Variants in CMSS1 observed in about 807,000 individuals in gnomAD.
The protein encoded by CMSS1 is protein CMSS1.
CMSS1 carries 33 observed loss-of-function variants against 43.5 expected under a neutral mutation model. The observed-to-expected ratio is 0.76, with a 90% CI of 0.57 to 1.01. The LOEUF (loss-of-function observed/expected upper bound fraction) is 1.01, where lower values mean the gene tolerates loss of function less well. Ranked by LOEUF, CMSS1 falls within the 50% of genes least tolerant of loss-of-function variation. CMSS1 has a pLI of 0.00. For missense variants in CMSS1, 313 were observed against 326.4 expected (o/e 0.96, Z 0.32); for synonymous variants, 115 against 117.2 (o/e 0.98, Z 0.12).
intron 1 of CMSS1, among the ~76,000 whole-genome samples, chr3:99,932,321 T>C (rs995347904): frequency 6.6e-6 from 1 of 152,198 alleles, no homozygotes; most frequent in African/African-American, 2.4e-5. Context: ...CTTATGTAAA[T>C]ACCATATTGA....
At chr3:100,056,574 T>G (rs1342990143) in intron 1 of CMSS1, among the ~76,000 whole-genome samples, 1 of 152,186 alleles carries the variant, frequency 6.6e-6, no homozygotes, top group Non-Finnish European at 1.5e-5. Flanking sequence ...TGGCTTTATC[T>G]GCTTGTGATT....
At chr3:100,070,012 T>A (rs2065734701) in intron 1 of CMSS1, among the ~76,000 whole-genome samples, 1 of 152,102 alleles carries the variant, frequency 6.6e-6, no homozygotes, top group Non-Finnish European at 1.5e-5. Context: ...TCTTGTTTGA[T>A]CCTCAAATAA....
intron 1 of CMSS1, among the ~76,000 whole-genome samples, chr3:99,983,464 GTATATATA>G (rs1191587665): frequency 0.026 from 330 of 12,666 alleles, 14 homozygotes; most frequent in Middle Eastern, 0.083. Context: ...ATATATGTGT[GTATATATA>G]TATATATATA....
chr3:100,156,985 G>A (rs915844674), intron 2 of CMSS1, among the ~76,000 whole-genome samples: 1 of 152,034 alleles, frequency 6.6e-6, no homozygotes, highest in Non-Finnish European at 1.5e-5. Context: ...CAAACTCCTG[G>A]CCTCAAGCAG....
intron 1 of CMSS1, among the ~76,000 whole-genome samples, chr3:99,871,407 C>G (rs897268739): frequency 1.4e-4 from 21 of 152,124 alleles, no homozygotes; most frequent in Admixed American, 2.0e-4. Flanking sequence ...CTAATTGTAC[C>G]TCGGTACTTT....
intron 1 of CMSS1, among the ~76,000 whole-genome samples, chr3:99,975,408 A>G (rs1179194689): frequency 6.6e-6 from 1 of 152,158 alleles, no homozygotes; most frequent in Non-Finnish European, 1.5e-5. Flanking sequence ...CTTGACCAAC[A>G]TGGTGAAACT....
intron 1 of CMSS1, among the ~76,000 whole-genome samples, chr3:99,953,316 A>G (rs147582884): frequency 1.4e-3 from 209 of 152,168 alleles, no homozygotes; most frequent in African/African-American, 4.7e-3. Flanking sequence ...TTGCTTCTAG[A>G]CATAGGGCAA....
At chr3:100,174,306 A>G (rs1252972244) in intron 8 of CMSS1, among the ~76,000 whole-genome samples, 1 of 152,082 alleles carries the variant, frequency 6.6e-6, no homozygotes, top group Non-Finnish European at 1.5e-5. Flanking sequence ...TTAGCTAAAG[A>G]TTCACCACCA....
At chr3:99,923,906 A>T (rs1466767403) in intron 1 of CMSS1, among the ~76,000 whole-genome samples, 5 of 152,020 alleles carry the variant, frequency 3.3e-5, no homozygotes, top group African/African-American at 1.2e-4. Context: ...TAACACACTT[A>T]TTTCACCCCT....
intron 1 of CMSS1, among the ~76,000 whole-genome samples, chr3:100,100,597 G>A (rs1164577886): frequency 1.3e-5 from 2 of 152,146 alleles, no homozygotes; most frequent in Non-Finnish European, 2.9e-5. Context: ...GAAGGATTTG[G>A]AGGCAAGTCA....
At chr3:100,104,711 A>T (rs980555096) in intron 1 of CMSS1, among the ~76,000 whole-genome samples, 1 of 152,112 alleles carries the variant, frequency 6.6e-6, no homozygotes, top group Non-Finnish European at 1.5e-5. Context: ...GGTGATTTGC[A>T]CTGATGTTCT....
chr3:99,928,490 C>A (rs570236938), intron 1 of CMSS1, among the ~76,000 whole-genome samples: 1 of 152,110 alleles, frequency 6.6e-6, no homozygotes, highest in South Asian at 2.1e-4. Flanking sequence ...TAAAGTAGGG[C>A]CAGATTATGG....
intron 1 of CMSS1, among the ~76,000 whole-genome samples, chr3:99,824,047 T>C (rs1481186529): frequency 6.6e-6 from 1 of 152,052 alleles, no homozygotes; most frequent in Non-Finnish European, 1.5e-5. Context: ...CTCAGCCTTC[T>C]GAGTAGCTGG....
At chr3:100,111,863 G>A (rs1360263401) in intron 1 of CMSS1, among the ~76,000 whole-genome samples, 3 of 152,162 alleles carry the variant, frequency 2.0e-5, no homozygotes, top group Non-Finnish European at 2.9e-5. Flanking sequence ...ATTATTTGAT[G>A]CTGAGATGGT....
At chr3:100,141,410 G>A (rs1348501738) in intron 1 of CMSS1, 1 of 332,738 alleles carries the variant, frequency 3.0e-6, no homozygotes, top group East Asian at 9.1e-5. Context: ...GGAGATACGT[G>A]GCAGGAGAAT....
At chr3:100,136,312 C>T (rs1375857239) in intron 1 of CMSS1, among the ~76,000 whole-genome samples, 9 of 152,246 alleles carry the variant, frequency 5.9e-5, no homozygotes, top group East Asian at 1.9e-4. Context: ...ACTGGACTGG[C>T]GCCAATAGAA....
intron 1 of CMSS1, among the ~76,000 whole-genome samples, chr3:99,975,465 G>A (rs545747927): frequency 1.3e-4 from 19 of 151,972 alleles, no homozygotes; most frequent in African/African-American, 2.7e-4. Flanking sequence ...GGTGGCGGGC[G>A]CCTGTAATCC....
intron 1 of CMSS1, among the ~76,000 whole-genome samples, chr3:99,913,010 A>G (rs1706839491): frequency 6.6e-6 from 1 of 152,148 alleles, no homozygotes; most frequent in Non-Finnish European, 1.5e-5. Context: ...TTGAGGTTAG[A>G]GGGGCATTCA....
intron 1 of CMSS1, among the ~76,000 whole-genome samples, chr3:100,109,448 C>T (rs534539727): frequency 7.9e-5 from 12 of 152,268 alleles, no homozygotes; most frequent in African/African-American, 2.4e-4. Context: ...TTCCATCACC[C>T]GAGATGTTCC....
Sources: allele counts gnomAD v4.1 joint callset (sites outside exome capture counted in the v4.1 genomes callset), GRCh38; gene constraint gnomAD v4.1.1; transcripts MANE v1.5; gene names NCBI Gene and HGNC (gene_info 2026-07-23, HGNC 2026-07-21).